The following DSCAM variants were observed in gnomAD, a reference collection of about 807,000 sequenced individuals.
DSCAM encodes DS cell adhesion molecule.
A neutral mutation model predicts 217.7 loss-of-function variants in DSCAM; 47 were observed. The observed-to-expected ratio is 0.22, with a 90% CI of 0.17 to 0.28. DSCAM has a LOEUF of 0.28. Among genes scored for constraint, DSCAM ranks in the 10% least tolerant of loss-of-function variants. The probability of loss-of-function intolerance (pLI) is 1.00; values close to 1 mark genes in which losing one functional copy is unlikely to be tolerated. For synonymous variants in DSCAM, 1,056 were observed against 1,015.3 expected (o/e 1.04, Z -0.76); for missense variants, 2,080 against 2,618.3 (o/e 0.79, Z 4.49).
rs565263164 is a variant in DSCAM at position 40,660,139 on chromosome 21, A to T, written c.508+32671T>A. Among the ~76,000 whole-genome samples, 13 of 152,338 alleles carry T rather than the reference A, an allele frequency of 8.5e-5. No homozygotes were observed. In the East Asian group the frequency reaches 1.9e-3, roughly 23 times the overall value. ...TTATCTCAGGAAACTGAAACTCCTG[A>T]AGTTACATAGAAAAATGGCCACACA... is the stretch of plus-strand genomic sequence containing the variant. On this transcript the variant is annotated intron_variant, in intron 3 of 32. Transcript: ENST00000400454.
rs1368909662 is a variant in DSCAM at position 40,312,202 on chromosome 21, A to T, written c.1941T>A (p.Asn647Lys). Residue 647 changes from asparagine (N) to lysine (K), a missense_variant, in exon 9 of 33, where the codon AAT becomes AAA. This residue lies in a region of DSCAM where 218 missense variants were observed against 364.1 expected (regional missense o/e 0.60). Coordinates refer to ENST00000400454, the MANE Select transcript of DSCAM (RefSeq NM_001389.5). ...TCCTCAAGGAGCTCGTGAAGTCAAT[A>T]TTGTCAATGGTCACCCCAAGGCTCC... The part of the protein sequence containing the change: ...IPGSLGVTID[N>K]IDFTSSLRIS... 3.7e-6 allele frequency: 6 copies of T among 1,614,012 alleles called. No individual in the cohort carries two copies. In the South Asian group the frequency reaches 6.6e-5, roughly 18 times the overall value.
At chr21:40,539,189 C>T (rs949773007) in intron 3 of DSCAM, among the ~76,000 whole-genome samples, 10 of 152,236 alleles carry the variant, frequency 6.6e-5, no homozygotes, top group African/African-American at 1.7e-4. Context: ...ACCAGAGCAT[C>T]GCTGAGATTT....
At chr21:40,729,917 C>CACACT (rs2090995176) in intron 1 of DSCAM, among the ~76,000 whole-genome samples, 1 of 152,162 alleles carries the variant, frequency 6.6e-6, no homozygotes. Context: ...GTTTGCCTAT[C>CACACT]ACACTAGAAT....
At chr21:40,171,050 G>A (rs980179848) in intron 15 of DSCAM, among the ~76,000 whole-genome samples, 2 of 152,172 alleles carry the variant, frequency 1.3e-5, no homozygotes, top group Non-Finnish European at 2.9e-5. Flanking sequence ...TGAATTGGGA[G>A]TAACTTACTT....
At position 40,756,976 on chromosome 21, in the gene DSCAM, C is replaced by CGTGTGTGTGTGTGT. The variant is rs1555886227; in HGVS notation, c.44-48219_44-48206dup. 2.7e-5 allele frequency among the ~76,000 whole-genome samples: 4 copies of CGTGTGTGTGTGTGT among 149,708 alleles called. No homozygotes were observed. In the East Asian group the frequency reaches 7.9e-4, roughly 29 times the overall value. The stretch of plus-strand genomic sequence containing the variant: ...TAAGAAAGATTGCCCAACAAATGGT[C>CGTGTGTGTGTGTGT]GTGTGTGTGTGTGTGTGTGTGTGTG... On this transcript the variant is annotated intron_variant, in intron 1 of 32. Coordinates refer to ENST00000400454, the MANE Select transcript of DSCAM (RefSeq NM_001389.5).
At chr21:40,342,626 G>GTGTGTATATATATATATATATATA (rs1491362590) in intron 6 of DSCAM, among the ~76,000 whole-genome samples, 72 of 94,582 alleles carry the variant, frequency 7.6e-4, no homozygotes, top group Non-Finnish European at 1.1e-3. Context: ...GTGTGTGTGT[G>GTGTGTATATATATATATATATATA]TATATATATA....
chr21:40,179,626 C>A (rs1232165624), intron 14 of DSCAM, among the ~76,000 whole-genome samples: 1 of 152,174 alleles, frequency 6.6e-6, no homozygotes, highest in East Asian at 1.9e-4. Context: ...CCATACAAAC[C>A]AATCTCAAGT....
intron 11 of DSCAM, among the ~76,000 whole-genome samples, chr21:40,261,114 G>A (rs375475539): frequency 2.6e-5 from 4 of 152,160 alleles, no homozygotes; most frequent in African/African-American, 9.7e-5. Flanking sequence ...TTTGTCTAAC[G>A]TGACTGACCA....
At chr21:40,271,678 C>A (rs1323077300) in intron 11 of DSCAM, among the ~76,000 whole-genome samples, 3 of 152,160 alleles carry the variant, frequency 2.0e-5, no homozygotes, top group Admixed American at 2.0e-4. Flanking sequence ...AAGATGGCTA[C>A]AAGATGAAAA....
At chr21:40,032,730 GTC>G (rs2088551225) in intron 32 of DSCAM, among the ~76,000 whole-genome samples, 1 of 152,136 alleles carries the variant, frequency 6.6e-6, no homozygotes, top group Admixed American at 6.5e-5. Flanking sequence ...TGCAAGTCTG[GTC>G]TCTGTGTTTT....
At chr21:40,025,895 A>T (rs2088371656) in intron 32 of DSCAM, among the ~76,000 whole-genome samples, 1 of 149,970 alleles carries the variant, frequency 6.7e-6, no homozygotes, top group Non-Finnish European at 1.5e-5. Context: ...GATTTTAGTT[A>T]TTTCTTGCCT....
chr21:40,668,393 A>G (rs1251201478), intron 3 of DSCAM, among the ~76,000 whole-genome samples: 3 of 152,216 alleles, frequency 2.0e-5, no homozygotes, highest in Non-Finnish European at 4.4e-5. Context: ...CTCACTTGGA[A>G]AGTTTTTCAA....
intron 19 of DSCAM, among the ~76,000 whole-genome samples, chr21:40,126,078 T>C (rs1329064596): frequency 1.3e-5 from 2 of 152,220 alleles, no homozygotes; most frequent in Admixed American, 1.3e-4. Flanking sequence ...GTACTGTAAG[T>C]TAATTAATTA....
intron 1 of DSCAM, among the ~76,000 whole-genome samples, chr21:40,799,485 G>A (rs959021149): frequency 6.6e-6 from 1 of 152,144 alleles, no homozygotes; most frequent in Non-Finnish European, 1.5e-5. Context: ...TTTAAACAAT[G>A]CAGATTTATT....
chr21:40,032,896 T>A (rs1181241430), intron 32 of DSCAM, among the ~76,000 whole-genome samples: 2 of 152,228 alleles, frequency 1.3e-5, no homozygotes, highest in Admixed American at 1.3e-4. Flanking sequence ...CCCCAAAAAC[T>A]GTGATTCACA....
intron 11 of DSCAM, among the ~76,000 whole-genome samples, chr21:40,237,657 C>T (rs532448505): frequency 2.6e-4 from 40 of 152,166 alleles, no homozygotes; most frequent in Admixed American, 3.9e-4. Flanking sequence ...CTATTGTGAA[C>T]AGTGCTGCAA....
chr21:40,571,143 T>C (rs1015429884), intron 3 of DSCAM, among the ~76,000 whole-genome samples: 2 of 152,054 alleles, frequency 1.3e-5, no homozygotes, highest in African/African-American at 4.8e-5. Context: ...ATAGCCCATG[T>C]TATATTTAGG....
At position 40,815,007 on chromosome 21, in the gene DSCAM, C is replaced by T. The variant is rs1053369423; in HGVS notation, c.43+31612G>A. On this transcript the variant is annotated intron_variant, in intron 1 of 32. Transcript: ENST00000400454. ...AGAAAAGCCCTTGAGAAGGGCCACA[C>T]ATCAAATTTTCTAAGCATGATTTGA... 3.4e-4 allele frequency among the ~76,000 whole-genome samples: 52 copies of T among 152,166 alleles called. 1 individual carries two copies. Among genetic ancestry groups the T allele is most frequent in the African/African-American group, 9.9e-4 (41 of 41,450 alleles).
At chr21:40,639,074 C>CCTTTT (rs780400474) in intron 3 of DSCAM, among the ~76,000 whole-genome samples, 1 of 92,790 alleles carries the variant, frequency 1.1e-5, no homozygotes, top group Non-Finnish European at 2.3e-5. Flanking sequence ...AAATATCCTG[C>CCTTTT]ATTTTTTTTT....
Sources: allele counts gnomAD v4.1 joint callset (sites outside exome capture counted in the v4.1 genomes callset), GRCh38; gene constraint gnomAD v4.1.1; regional missense constraint gnomAD v4.1.1; transcripts MANE v1.5; gene names NCBI Gene and HGNC (gene_info 2026-07-23, HGNC 2026-07-21).